Variants in EIPR1 observed in about 807,000 individuals in gnomAD.
The protein encoded by EIPR1 is EARP and GARP complex-interacting protein 1.
EIPR1 carries 25 observed loss-of-function variants against 48.1 expected under a neutral mutation model. The observed-to-expected ratio is 0.52, with a 90% CI of 0.38 to 0.73. The LOEUF (loss-of-function observed/expected upper bound fraction) is 0.73, where lower values mean the gene tolerates loss of function less well. EIPR1 is among the 30% of genes least tolerant of loss of function. The pLI is 0.00. For synonymous variants in EIPR1, 204 were observed against 201.9 expected (o/e 1.01, Z -0.09); for missense variants, 415 against 506.2 (o/e 0.82, Z 1.73).
intron 2 of EIPR1, among the ~76,000 whole-genome samples, chr2:3,338,796 T>C (rs1477352668): frequency 1.3e-5 from 2 of 152,230 alleles, no homozygotes; most frequent in Admixed American, 1.3e-4. Context: ...AAATATACTA[T>C]CTCCATGCTT....
Position 3,372,998 on chromosome 2 carries a change from T to C in EIPR1, c.42+4650A>G, listed in dbSNP as rs375624011. On this transcript the variant is annotated intron_variant, in intron 1 of 8. Coordinates refer to ENST00000382125, the MANE Select transcript of EIPR1 (RefSeq NM_003310.5). Reference sequence around the variant, plus strand: ...AATCCTCAATAAAATACTGGCAAACTGAATCCAGCAGCACATCAAAAAGCT... The same window carrying C: ...AATCCTCAATAAAATACTGGCAAACCGAATCCAGCAGCACATCAAAAAGCT... Among the ~76,000 whole-genome samples, 1,294 of 152,188 alleles carry C rather than the reference T, an allele frequency of 8.5e-3. 117 individuals are homozygous for C. The East Asian group carries it at 0.2, about 23-fold the overall frequency.
At chr2:3,224,970 C>T (rs954321245) in intron 4 of EIPR1, among the ~76,000 whole-genome samples, 2 of 152,198 alleles carry the variant, frequency 1.3e-5, no homozygotes, top group African/African-American at 2.4e-5. Context: ...GGGGCCAGCA[C>T]GAGGCTGGAG....
At chr2:3,328,562 C>T (rs1165922567) in intron 3 of EIPR1, among the ~76,000 whole-genome samples, 1 of 144,220 alleles carries the variant, frequency 6.9e-6, no homozygotes, top group Non-Finnish European at 1.5e-5. Context: ...GGGTGCCAGC[C>T]TGGGCTCCCC....
intron 3 of EIPR1, among the ~76,000 whole-genome samples, chr2:3,276,084 A>G (rs1018779363): frequency 1.3e-5 from 2 of 152,254 alleles, no homozygotes; most frequent in Non-Finnish European, 2.9e-5. Context: ...GGACACCACT[A>G]AAGTGAAGAA....
intron 5 of EIPR1, among the ~76,000 whole-genome samples, chr2:3,202,709 T>A (rs913890436): frequency 6.6e-6 from 1 of 152,184 alleles, no homozygotes; most frequent in Non-Finnish European, 1.5e-5. Context: ...CATCCCAAGC[T>A]CTTGCACTTC....
At chr2:3,320,967 T>C (rs547080596) in intron 3 of EIPR1, among the ~76,000 whole-genome samples, 8 of 152,198 alleles carry the variant, frequency 5.3e-5, no homozygotes, top group Non-Finnish European at 1.0e-4. Context: ...ATGCAAAATG[T>C]TTTCATTTCA....
At chr2:3,200,420 T>C (rs1333338304) in intron 5 of EIPR1, among the ~76,000 whole-genome samples, 1 of 152,156 alleles carries the variant, frequency 6.6e-6, no homozygotes, top group Non-Finnish European at 1.5e-5. Flanking sequence ...TCTACTGTCG[T>C]ATGTGCCAAG....
At chr2:3,328,169 T>A (rs528702854) in intron 3 of EIPR1, among the ~76,000 whole-genome samples, 2 of 152,268 alleles carry the variant, frequency 1.3e-5, no homozygotes, top group East Asian at 3.9e-4. Context: ...GGTCCAAACA[T>A]CCGTGCTCAC....
Position 3,220,963 on chromosome 2 carries a change from C to T in EIPR1, c.417-6715G>A, listed in dbSNP as rs540235929. ...ATTTATAGTCAGGTGCACATGCACA[C>T]GATGACCATGGTACACTCTAGAACA... On this transcript the variant is annotated intron_variant, in intron 4 of 8. Transcript: ENST00000382125. Among the ~76,000 whole-genome samples, 41 of 135,636 alleles carry T rather than the reference C, an allele frequency of 3.0e-4. 3 individuals carry two copies. The highest frequency in any genetic ancestry group is 1.1e-3 in the African/African-American group (38 of 35,070). The allele number at this position is 135,636 out of a possible 152,430, so 89.0% of individuals were successfully genotyped here.
intron 1 of EIPR1, among the ~76,000 whole-genome samples, chr2:3,372,334 G>A (rs1659686999): frequency 6.6e-6 from 1 of 150,720 alleles, no homozygotes. Context: ...AGAAAAGCAA[G>A]AGCAAACACA....
chr2:3,347,744 G>A (rs1670446924), intron 2 of EIPR1, among the ~76,000 whole-genome samples: 1 of 152,184 alleles, frequency 6.6e-6, no homozygotes, highest in South Asian at 2.1e-4. Context: ...GACCATCTAG[G>A]GATGTACCCT....
intron 4 of EIPR1, among the ~76,000 whole-genome samples, chr2:3,218,756 A>G (rs184108683): frequency 5.6e-4 from 61 of 108,782 alleles, no homozygotes; most frequent in African/African-American, 1.3e-3. Context: ...ACTCAACACG[A>G]CCCTGATACA....
Position 3,196,777 on chromosome 2 carries a change from G to A in EIPR1, c.653+104C>T, listed in dbSNP as rs1664821218. ...CAAAAACGAGATAAAGACAAACCAT[G>A]CGCCCCCAAAGGCATGTGGCTCACC... On this transcript the variant is annotated intron_variant, in intron 6 of 8. Transcript: ENST00000382125. 3.5e-6 allele frequency: 5 copies of A among 1,445,292 alleles called. No individual in the cohort carries two copies. In the Admixed American group the frequency reaches 1.0e-4, roughly 30 times the overall value. 89.5% of individuals were successfully genotyped at this position (1,445,292 alleles called of 1,614,324 possible). A position where few individuals can be genotyped will look rare whatever the true frequency, so the allele number is the denominator to read the frequency against.
intron 1 of EIPR1, among the ~76,000 whole-genome samples, chr2:3,356,131 G>A (rs1224443485): frequency 2.0e-5 from 3 of 152,220 alleles, no homozygotes; most frequent in Non-Finnish European, 2.9e-5. Flanking sequence ...GAGCCGGACG[G>A]CCCTTCAGAG....
At chr2:3,208,615 T>C (rs1182222308) in intron 5 of EIPR1, 3 of 1,550,656 alleles carry the variant, frequency 1.9e-6, no homozygotes, top group Middle Eastern at 1.7e-4. Context: ...GTCTGTTGAA[T>C]GAATTTGGCC....
At chr2:3,315,172 CCCCCTACCACCACCATCA>C (rs1669253931) in intron 3 of EIPR1, among the ~76,000 whole-genome samples, 1 of 2,784 alleles carries the variant, frequency 3.6e-4, no homozygotes, top group African/African-American at 6.1e-4. Context: ...ATCATCACCA[CCCCCTACCACCACCATCA>C]CCACCATCCC....
At chr2:3,324,329 C>G (rs1669626081) in intron 3 of EIPR1, among the ~76,000 whole-genome samples, 1 of 152,218 alleles carries the variant, frequency 6.6e-6, no homozygotes, top group Admixed American at 6.5e-5. Context: ...CCATGATGAG[C>G]AGCACACGAG....
intron 3 of EIPR1, among the ~76,000 whole-genome samples, chr2:3,327,016 G>A (rs545671626): frequency 1.1e-4 from 16 of 152,310 alleles, no homozygotes; most frequent in South Asian, 4.1e-4. Context: ...AGGCAGCCGC[G>A]TCCAGGCCTG....
At chr2:3,283,147 G>T (rs1360972148) in intron 3 of EIPR1, among the ~76,000 whole-genome samples, 1 of 152,180 alleles carries the variant, frequency 6.6e-6, no homozygotes, top group Non-Finnish European at 1.5e-5. Context: ...TGAGGAATCA[G>T]GGGAAGGCCA....
Sources: allele counts gnomAD v4.1 joint callset (sites outside exome capture counted in the v4.1 genomes callset), GRCh38; gene constraint gnomAD v4.1.1; transcripts MANE v1.5; gene names NCBI Gene and HGNC (gene_info 2026-07-23, HGNC 2026-07-21).